CACNA1G: variants seen among roughly 807,000 people sequenced by gnomAD.
The protein encoded by CACNA1G is voltage-dependent T-type calcium channel subunit alpha-1G.
Under a neutral mutation model 219.4 loss-of-function variants are expected in CACNA1G, and 67 were observed. The ratio of observed to expected loss-of-function variants is 0.31; its 90% CI spans 0.25 to 0.37. The LOEUF is 0.37. CACNA1G is among the 10% of genes least tolerant of loss of function. The pLI is 1.00. For synonymous variants in CACNA1G, 1,296 were observed against 1,345.3 expected (o/e 0.96, Z 0.80); for missense variants, 2,380 against 3,231.4 (o/e 0.74, Z 6.39).
chr17:50,600,747 G>A lies in CACNA1G; in HGVS notation c.3712G>A (p.Ala1238Thr), dbSNP rs566198497. 19 of 1,613,822 alleles carry A rather than the reference G, an allele frequency of 1.2e-5. No individual in the cohort carries two copies. The highest frequency in any genetic ancestry group is 1.6e-4 in the Middle Eastern group (1 of 6,062). ...GCAGAGCAAAGGGGAACGGGTCCGC[G>A]CGTGGATCCGAGCCCGACTCCCTGC... Reference protein sequence around the residue: ...GNLSKGERVRAWIRARLPACC... With the variant: ...GNLSKGERVRTWIRARLPACC... Residue 1238 changes from alanine to threonine, a missense_variant, in exon 18 of 38, where the codon GCG (alanine) becomes ACG (threonine). Coordinates refer to ENST00000359106, the MANE Select transcript of CACNA1G (RefSeq NM_018896.5). The surrounding 1 kb of genome is among the most constrained non-coding windows in gnomAD (Gnocchi z 4.1).
At chr17:50,605,171 C>T (rs915860588) in intron 22 of CACNA1G, among the ~76,000 whole-genome samples, 4 of 152,286 alleles carry the variant, frequency 2.6e-5, no homozygotes, top group African/African-American at 9.6e-5. Context: ...ATTGTTGAGC[C>T]CAGTCCTTCC....
rs1348071696 is a variant in CACNA1G, at chr17:50,576,005, C to T, written c.1603C>T (p.Pro535Ser). ...DANGSRRLMLPPPSTPALSGA... is the reference protein window; with the variant it reads ...DANGSRRLMLSPPSTPALSGA... ...CAATGGGTCCCGCCGGCTCATGCTG[C>T]CACCACCCTCGACGCCTGCCCTCTC... The change falls in exon 8 of 38, where the codon CCA becomes TCA. Residue 535 changes from proline to serine, a missense_variant. This residue lies in a region of CACNA1G where 434 missense variants were observed against 417.3 expected (regional missense o/e 1.04). Transcript: ENST00000359106. The T allele has an allele frequency of 6.4e-7, 1 of 1,557,484 alleles. No individual in the cohort carries two copies. The highest frequency in any genetic ancestry group is 8.7e-7 in the Non-Finnish European group (1 of 1,151,210).
Position 50,621,598 on chromosome 17 carries a change from G to GT in CACNA1G, c.5926-61dup. ...GGACTGAGAGAGAGCGCGTGTGTGC[G>GT]TGTGCACGCGCGTGTGCGCTGTCCT... On this transcript the variant is annotated intron_variant, in intron 34 of 37. Transcript: ENST00000359106. This position sits in a 1 kb window ranked among gnomAD's most constrained non-coding sequence, Gnocchi z 4.6. 1 of 1,576,326 alleles carries GT rather than the reference G, an allele frequency of 6.3e-7. No individual in the cohort carries two copies. The highest frequency in any genetic ancestry group is 8.7e-7 in the Non-Finnish European group (1 of 1,152,526).
chr17:50,565,385 GGC>G (rs1491149230), intron 1 of CACNA1G, among the ~76,000 whole-genome samples: 13 of 145,126 alleles, frequency 9.0e-5, no homozygotes, highest in Admixed American at 6.8e-4. Context: ...TGTGGGGTGG[GGC>G]GGGGGGTTCT....
At position 50,626,759 on chromosome 17, in the gene CACNA1G, C is replaced by A. The variant is rs778304646; in HGVS notation, c.*8C>A. On this transcript the variant is annotated 3_prime_UTR_variant, in exon 38 of 38. Coordinates refer to ENST00000359106, the MANE Select transcript of CACNA1G (RefSeq NM_018896.5). This position sits in a 1 kb window ranked among gnomAD's most constrained non-coding sequence, Gnocchi z 4.3. ...GCAGACCTGGACCCCTGAGTCCTGCCCCACTTTCCCACTCACCTTTCTCCA... is the reference window on the plus strand; with the variant it reads ...GCAGACCTGGACCCCTGAGTCCTGCACCACTTTCCCACTCACCTTTCTCCA... 6.2e-7 allele frequency: 1 copy of A among 1,613,038 alleles called. No homozygotes were observed.
At chr17:50,611,185 C>T (rs183558629) in intron 26 of CACNA1G, among the ~76,000 whole-genome samples, 24 of 147,392 alleles carry the variant, frequency 1.6e-4, no homozygotes, top group African/African-American at 5.0e-4. Flanking sequence ...ACCCGGGAGG[C>T]GGAGGTTGCA....
chr17:50,575,320 C>T (rs540468820), intron 7 of CACNA1G, among the ~76,000 whole-genome samples: 4 of 152,286 alleles, frequency 2.6e-5, no homozygotes, highest in African/African-American at 9.6e-5. Flanking sequence ...GCTGAGTGAT[C>T]TTGGGCAAAT....
chr17:50,576,256 C>A lies in CACNA1G; in HGVS notation c.1854C>A (p.Thr618=), dbSNP rs1221266096. The change falls in exon 8 of 38, where the codon ACC becomes ACA. Residue 618 remains threonine (T), a synonymous_variant. Transcript: ENST00000359106. ...VEVAASSGPP[T]LTSLNIPPGP... ...TGGCTGCCAGCTCTGGGCCCCCAAC[C>A]CTCACCAGCCTCAACATCCCACCCG... is the stretch of plus-strand genomic sequence containing the variant. 16 of 1,592,390 alleles carry A rather than the reference C, an allele frequency of 1.0e-5. No homozygotes were observed. In the Admixed American group the frequency reaches 2.6e-4, roughly 26 times the overall value.
At chr17:50,589,783 G>A (rs1163135162) in intron 9 of CACNA1G, among the ~76,000 whole-genome samples, 2 of 152,160 alleles carry the variant, frequency 1.3e-5, no homozygotes, top group Non-Finnish European at 2.9e-5. Flanking sequence ...CGGGTGTCCC[G>A]GGCTCAGGCT....
chr17:50,572,701 C>A lies in CACNA1G; in HGVS notation c.894C>A (p.Cys298Ter). ...LRGDGGGGPP[C>*]GLDYEAYNSS... is the part of the protein sequence containing the mutation. ...GGGACGGGGGCGGTGGCCCACCTTG[C>A]GGTCTGGACTATGAGGCCTACAACA... The change falls in exon 6 of 38, where the codon TGC becomes TGA. Residue 298 changes from cysteine to a stop codon, truncating the protein, a stop_gained. Transcript: ENST00000359106. LOFTEE classifies it high-confidence loss of function. 1 of 1,613,476 alleles carries A rather than the reference C, an allele frequency of 6.2e-7. No homozygotes were observed. The highest frequency in any genetic ancestry group is 8.5e-7 in the Non-Finnish European group (1 of 1,179,658).
At chr17:50,588,436 G>C (rs1548534) in intron 9 of CACNA1G, among the ~76,000 whole-genome samples, 68,346 of 151,510 alleles carry the variant, frequency 0.45, 16,429 homozygotes, top group East Asian at 0.89. Context: ...GAGTGACAGG[G>C]AGGAGGGTTT....
rs767347680 is a variant in CACNA1G, at chr17:50,561,720, C to T, written c.242+19C>T. On this transcript the variant is annotated intron_variant, in intron 1 of 37. Coordinates refer to ENST00000359106, the MANE Select transcript of CACNA1G (RefSeq NM_018896.5). Reference sequence around the variant, plus strand: ...GTAACCCATATCCTTCGGGGCACGACGGCCAGGCGCGGGGTCAGAAGGGGG... The same window carrying T: ...GTAACCCATATCCTTCGGGGCACGATGGCCAGGCGCGGGGTCAGAAGGGGG... 2.6e-6 allele frequency: 4 copies of T among 1,536,372 alleles called. No individual in the cohort carries two copies. Among genetic ancestry groups the T allele is most frequent in the Non-Finnish European group, 2.6e-6 (3 of 1,141,302 alleles).
At chr17:50,576,361 C>A in intron 8 of CACNA1G, 35 bp downstream of exon 8, 1 of 1,550,366 alleles carries the variant, frequency 6.5e-7, no homozygotes, top group Non-Finnish European at 8.7e-7. Flanking sequence ...TGGGTGCCCT[C>A]GTCTGGGGAC....
chr17:50,617,689 TC>T lies in CACNA1G; in HGVS notation c.5155+121del. 2 of 1,450,912 alleles carry T rather than the reference TC, an allele frequency of 1.4e-6. No individual in the cohort carries two copies. Among genetic ancestry groups the T allele is most frequent in the South Asian group, 1.3e-5 (1 of 77,396 alleles). The allele number at this position is 1,450,912 out of a possible 1,614,324, so 89.9% of individuals were successfully genotyped here. A position where few individuals can be genotyped will look rare whatever the true frequency, so the allele number is the denominator to read the frequency against. On this transcript the variant is annotated intron_variant, in intron 29 of 37. Coordinates refer to ENST00000359106, the MANE Select transcript of CACNA1G (RefSeq NM_018896.5). This position sits in a 1 kb window ranked among gnomAD's most constrained non-coding sequence, Gnocchi z 5.8. ...GGCTGTGGGTTCCCATGGGTCTTTC[TC>T]CCAGCTTCTGCCAAGGGAGGCTGGA...
chr17:50,602,694 G>C, intron 19 of CACNA1G, 126 bp from the exon 20 acceptor site: 2 of 765,822 alleles, frequency 2.6e-6, no homozygotes, highest in South Asian at 3.1e-5. Context: ...CTACATTGTT[G>C]TGGAGGGTGG....
intron 37 of CACNA1G, among the ~76,000 whole-genome samples, chr17:50,624,955 C>CTTTTTTTTTTTTTTTTTTTTTTT (rs3986415): frequency 8.5e-6 from 1 of 117,546 alleles, no homozygotes; most frequent in Non-Finnish European, 1.7e-5. Context: ...AGCCCAGATT[C>CTTTTTTTTTTTTTTTTTTTTTTT]TTTTTTTTTT....
rs548433941 is a variant in CACNA1G at position 50,624,046 on chromosome 17, G to T, written c.6200G>T (p.Arg2067Met). The stretch of plus-strand genomic sequence containing the variant: ...ACTGCCGAGGGGCCCCTGGGACACA[G>T]GGGCTGGGGGCTCCCCAAAGCTCAG... The part of the protein sequence containing the change: ...GSTAEGPLGH[R>M]GWGLPKAQSG... Residue 2067 changes from arginine to methionine, a missense_variant, in exon 36 of 38, where the codon AGG becomes ATG. Transcript: ENST00000359106. 1.9e-6 allele frequency: 3 copies of T among 1,612,648 alleles called. No homozygotes were observed. The highest frequency in any genetic ancestry group is 2.5e-6 in the Non-Finnish European group (3 of 1,179,674).
At chr17:50,565,222 G>A (rs1332407004) in intron 1 of CACNA1G, among the ~76,000 whole-genome samples, 11 of 152,158 alleles carry the variant, frequency 7.2e-5, no homozygotes, top group South Asian at 6.2e-4. Context: ...CCAGCGGGCC[G>A]TCTCTCTTGT....
At chr17:50,612,805 T>C (rs1377831110) in intron 26 of CACNA1G, among the ~76,000 whole-genome samples, 1 of 152,182 alleles carries the variant, frequency 6.6e-6, no homozygotes, top group Admixed American at 6.5e-5. Flanking sequence ...ACTCTGGTAT[T>C]TTCTCCACCT....
Sources: allele counts gnomAD v4.1 joint callset (sites outside exome capture counted in the v4.1 genomes callset), GRCh38; gene constraint gnomAD v4.1.1; regional missense constraint gnomAD v4.1.1; non-coding constraint Gnocchi (gnomAD v3.1); transcripts MANE v1.5; gene names NCBI Gene and HGNC (gene_info 2026-07-23, HGNC 2026-07-21).